The following CDK6 variants were observed in gnomAD, a reference collection of about 807,000 sequenced individuals.
The protein encoded by CDK6 is cyclin-dependent kinase 6.
Under a neutral mutation model 37.1 loss-of-function variants are expected in CDK6, and 6 were observed. The observed-to-expected ratio is 0.16, with a 90% CI of 0.09 to 0.32. The LOEUF is 0.32. CDK6 is among the 10% of genes least tolerant of loss of function. The probability of loss-of-function intolerance (pLI) is 1.00; values close to 1 mark genes in which losing one functional copy is unlikely to be tolerated. For synonymous variants in CDK6, 160 were observed against 161.3 expected (o/e 0.99, Z 0.06); for missense variants, 224 against 418.9 (o/e 0.53, Z 4.06).
intron 5 of CDK6, among the ~76,000 whole-genome samples, chr7:92,649,200 C>T (rs192659594): frequency 2.0e-5 from 3 of 152,228 alleles, no homozygotes; most frequent in African/African-American, 7.2e-5. Context: ...TAGTATTGAC[C>T]GATCATTTCA....
intron 4 of CDK6, among the ~76,000 whole-genome samples, chr7:92,672,166 T>TACACACACACAGACACAGACAC (rs1797090623): frequency 2.6e-5 from 1 of 38,736 alleles, no homozygotes; most frequent in Non-Finnish European, 4.7e-5. Flanking sequence ...TATATACACA[T>TACACACACACAGACACAGACAC]ACACACACAC....
chr7:92,725,391 A>G, intron 4 of CDK6: 1 of 891,544 alleles, frequency 1.1e-6, no homozygotes, highest in Non-Finnish European at 1.3e-6. Flanking sequence ...AGTGGCTAAG[A>G]TGCAACAGGC....
At chr7:92,808,756 T>C (rs934213099) in intron 2 of CDK6, among the ~76,000 whole-genome samples, 6 of 152,182 alleles carry the variant, frequency 3.9e-5, no homozygotes, top group African/African-American at 1.2e-4. Context: ...CATTTTCAGC[T>C]GGGAGGATAG....
chr7:92,664,302 A>C (rs1229884054), intron 5 of CDK6, among the ~76,000 whole-genome samples: 1 of 152,192 alleles, frequency 6.6e-6, no homozygotes. Flanking sequence ...ACCTAACCTG[A>C]AATGATGGGT....
At chr7:92,795,399 T>C (rs1262857783) in intron 2 of CDK6, among the ~76,000 whole-genome samples, 3 of 152,144 alleles carry the variant, frequency 2.0e-5, no homozygotes, top group Admixed American at 1.3e-4. Context: ...TTGAGTTCAT[T>C]TAGCTGTCAG....
chr7:92,615,734 C>T (rs3731386), intron 7 of CDK6, among the ~76,000 whole-genome samples: 2 of 152,092 alleles, frequency 1.3e-5, no homozygotes, highest in African/African-American at 2.4e-5. Context: ...AGATTCAGTT[C>T]GAGTCACTAA....
chr7:92,677,181 A>T (rs573790501), intron 4 of CDK6, among the ~76,000 whole-genome samples: 8 of 152,366 alleles, frequency 5.3e-5, no homozygotes, highest in African/African-American at 1.9e-4. Flanking sequence ...AACTATCAAC[A>T]TCTGTCTAAA....
chr7:92,783,795 A>C (rs1726512790), intron 2 of CDK6, among the ~76,000 whole-genome samples: 1 of 152,220 alleles, frequency 6.6e-6, no homozygotes, highest in Non-Finnish European at 1.5e-5. Context: ...CAGCAACAGA[A>C]CTGATGTACT....
At chr7:92,666,524 T>C (rs1199894751) in intron 5 of CDK6, among the ~76,000 whole-genome samples, 1 of 152,222 alleles carries the variant, frequency 6.6e-6, no homozygotes, top group Non-Finnish European at 1.5e-5. Context: ...TATTCTAATG[T>C]GTATCAGACA....
At chr7:92,778,046 A>G (rs1799893516) in intron 2 of CDK6, among the ~76,000 whole-genome samples, 1 of 151,878 alleles carries the variant, frequency 6.6e-6, no homozygotes. Flanking sequence ...TATGGACCCC[A>G]CATTTGGACT....
At chr7:92,696,145 C>T (rs533893090) in intron 4 of CDK6, among the ~76,000 whole-genome samples, 1 of 152,300 alleles carries the variant, frequency 6.6e-6, no homozygotes, top group South Asian at 2.1e-4. Context: ...ATTTGGTCTC[C>T]AGGGGAGAAG....
chr7:92,624,777 G>A (rs1226475495), intron 5 of CDK6, among the ~76,000 whole-genome samples: 5 of 152,110 alleles, frequency 3.3e-5, no homozygotes, highest in Non-Finnish European at 7.4e-5. Flanking sequence ...GAGCATGAAT[G>A]TTGTATCTGG....
intron 3 of CDK6, among the ~76,000 whole-genome samples, chr7:92,739,849 G>T (rs1258642691): frequency 6.6e-6 from 1 of 152,076 alleles, no homozygotes; most frequent in African/African-American, 2.4e-5. Context: ...CAAACTCCTG[G>T]GCACAAGCAA....
chr7:92,744,715 T>C (rs1799014318), intron 3 of CDK6, among the ~76,000 whole-genome samples: 1 of 152,228 alleles, frequency 6.6e-6, no homozygotes, highest in African/African-American at 2.4e-5. Flanking sequence ...CATTATTATT[T>C]TACAGCATTT....
At chr7:92,764,086 C>G (rs1799521864) in intron 3 of CDK6, among the ~76,000 whole-genome samples, 2 of 150,826 alleles carry the variant, frequency 1.3e-5, no homozygotes, top group Non-Finnish European at 3.0e-5. Flanking sequence ...GTCCATTTTC[C>G]AGGCATCCTA....
At chr7:92,700,797 A>G (rs974515460) in intron 4 of CDK6, among the ~76,000 whole-genome samples, 1 of 152,254 alleles carries the variant, frequency 6.6e-6, no homozygotes, top group Admixed American at 6.5e-5. Flanking sequence ...GAAAAGCAGG[A>G]TACCACGATG....
chr7:92,659,456 C>T (rs1489160629), intron 5 of CDK6, among the ~76,000 whole-genome samples: 1 of 152,012 alleles, frequency 6.6e-6, no homozygotes, highest in Non-Finnish European at 1.5e-5. Flanking sequence ...TTCTTTCTAC[C>T]TCTTAAAATG....
At chr7:92,771,192 C>T (rs539883057) in intron 3 of CDK6, among the ~76,000 whole-genome samples, 19 of 147,768 alleles carry the variant, frequency 1.3e-4, no homozygotes, top group South Asian at 6.5e-4. Flanking sequence ...GTTGAGATCG[C>T]GCCACTGCAC....
chr7:92,608,616 G>A lies in CDK6; in HGVS notation c.*6524C>T, dbSNP rs1795486730. 1.7e-5 allele frequency: 4 copies of A among 232,166 alleles called. No individual in the cohort carries two copies. The highest frequency in any genetic ancestry group is 2.2e-5 in the African/African-American group (1 of 45,288). 14.4% of individuals were successfully genotyped at this position (232,166 alleles called of 1,614,324 possible). On this transcript the variant is annotated 3_prime_UTR_variant, in exon 8 of 8. Transcript: ENST00000424848. ...GATGCGGGGTAGACAGCTTCACACAGGGCAGCTGCTACCGCATCTCTTTTT... is the reference window on the plus strand; with the variant it reads ...GATGCGGGGTAGACAGCTTCACACAAGGCAGCTGCTACCGCATCTCTTTTT...
Sources: allele counts gnomAD v4.1 joint callset (sites outside exome capture counted in the v4.1 genomes callset), GRCh38; gene constraint gnomAD v4.1.1; transcripts MANE v1.5; gene names NCBI Gene and HGNC (gene_info 2026-07-23, HGNC 2026-07-21).